Variants in RHEX observed in about 807,000 individuals in gnomAD.
RHEX encodes regulator of hemoglobinization and erythroid cell expansion protein.
A neutral mutation model predicts 20.1 loss-of-function variants in RHEX; 18 were observed. The ratio of observed to expected loss-of-function variants is 0.90; its 90% CI spans 0.62 to 1.33. RHEX has a LOEUF of 1.33. Among genes scored for constraint, RHEX ranks in the 40% most tolerant of loss-of-function variants. The probability of loss-of-function intolerance (pLI) is 0.00; values close to 1 mark genes in which losing one functional copy is unlikely to be tolerated. For synonymous variants in RHEX, 87 were observed against 77.1 expected, an observed-to-expected ratio of 1.13 and a Z score of -0.67; for missense variants, 192 against 214.3, an observed-to-expected ratio of 0.90 and a Z score of 0.65.
At chr1:206,077,762 G>A (rs548582086) in intron 1 of RHEX, among the ~76,000 whole-genome samples, 4 of 152,318 alleles carry the variant, frequency 2.6e-5, no homozygotes, top group Admixed American at 2.6e-4. Flanking sequence ...TTGTCTAACA[G>A]CTGGTACAGG....
intron 1 of RHEX, among the ~76,000 whole-genome samples, chr1:206,089,078 G>T (rs1553286676): frequency 6.6e-6 from 1 of 152,108 alleles, no homozygotes; most frequent in Non-Finnish European, 1.5e-5. Context: ...GATGATTAGA[G>T]ACAAGTTCTA....
At chr1:206,099,404 T>G (rs1663140326) in intron 3 of RHEX, among the ~76,000 whole-genome samples, 1 of 151,912 alleles carries the variant, frequency 6.6e-6, no homozygotes, top group South Asian at 2.1e-4. Flanking sequence ...CTGCAACCTC[T>G]GCCTCCCAGG....
At chr1:206,072,162 A>C (rs1175653222) in intron 1 of RHEX, among the ~76,000 whole-genome samples, 1 of 152,196 alleles carries the variant, frequency 6.6e-6, no homozygotes, top group East Asian at 1.9e-4. Context: ...ACTGGCACAA[A>C]ACAGTGGAAG....
At chr1:206,058,540 A>G (rs1553282918) in intron 1 of RHEX, among the ~76,000 whole-genome samples, 1 of 152,278 alleles carries the variant, frequency 6.6e-6, no homozygotes, top group Admixed American at 6.5e-5. Flanking sequence ...GCCCAGCGCC[A>G]GGCCCAAAAC....
At chr1:206,083,748 T>A in intron 1 of RHEX, 1 of 594,376 alleles carries the variant, frequency 1.7e-6, no homozygotes, top group Non-Finnish European at 2.1e-6. Flanking sequence ...GATTCTCTGT[T>A]TATGTGCTGA....
intron 1 of RHEX, among the ~76,000 whole-genome samples, chr1:206,064,154 G>A (rs575180890): frequency 2.8e-4 from 41 of 144,386 alleles, no homozygotes; most frequent in Non-Finnish European, 5.1e-4. Flanking sequence ...CCCTCCGCCC[G>A]GCAGCCGCCC....
At chr1:206,058,084 G>A (rs1481266362) in intron 1 of RHEX, among the ~76,000 whole-genome samples, 1 of 152,246 alleles carries the variant, frequency 6.6e-6, no homozygotes, top group South Asian at 2.1e-4. Context: ...AGTAGTTGAG[G>A]ATATAGTTAA....
At chr1:206,097,629 T>TA in intron 1 of RHEX, 104 bp from the exon 2 acceptor site, 1 of 664,802 alleles carries the variant, frequency 1.5e-6, no homozygotes, top group Non-Finnish European at 2.6e-6. Context: ...GTATGATGAA[T>TA]AAACTGGGCA....
chr1:206,054,336 AAAGT>A (rs1662142489), intron 1 of RHEX, among the ~76,000 whole-genome samples: 1 of 152,248 alleles, frequency 6.6e-6, no homozygotes, highest in Admixed American at 6.5e-5. Flanking sequence ...GTATAATTTA[AAAGT>A]AATAAGGCCT....
chr1:206,080,394 G>T (rs1662711268), intron 1 of RHEX: 1 of 152,172 alleles, frequency 6.6e-6, no homozygotes, highest in African/African-American at 2.4e-5. Flanking sequence ...AGAGAAAACA[G>T]TTATCCTACA....
intron 1 of RHEX, among the ~76,000 whole-genome samples, chr1:206,083,045 C>G (rs1662769522): frequency 6.6e-6 from 1 of 152,164 alleles, no homozygotes; most frequent in Non-Finnish European, 1.5e-5. Context: ...AAGTTGTCCT[C>G]AAAAATTTAT....
At chr1:206,083,722 T>C (rs1571866180) in intron 1 of RHEX, 1 of 781,832 alleles carries the variant, frequency 1.3e-6, no homozygotes, top group Non-Finnish European at 1.6e-6. Flanking sequence ...CATATATGTG[T>C]AGAAGTTTTA....
chr1:206,081,785 A>T (rs1330336358), intron 1 of RHEX, among the ~76,000 whole-genome samples: 2 of 152,204 alleles, frequency 1.3e-5, no homozygotes, highest in Non-Finnish European at 2.9e-5. Context: ...AGTGGTCCAC[A>T]CAGAGGCTAG....
intron 1 of RHEX, among the ~76,000 whole-genome samples, chr1:206,081,976 G>T (rs1488261032): frequency 6.6e-6 from 1 of 152,176 alleles, no homozygotes; most frequent in Non-Finnish European, 1.5e-5. Flanking sequence ...ATTGACACTG[G>T]CAGGGCAAAC....
chr1:206,070,674 G>A (rs1662508026), intron 1 of RHEX, among the ~76,000 whole-genome samples: 1 of 152,138 alleles, frequency 6.6e-6, no homozygotes, highest in South Asian at 2.1e-4. Context: ...AGAATTGCTG[G>A]CGCCTGGTGA....
At chr1:206,065,135 G>A (rs1204504247) in intron 1 of RHEX, among the ~76,000 whole-genome samples, 1 of 152,182 alleles carries the variant, frequency 6.6e-6, no homozygotes, top group African/African-American at 2.4e-5. Context: ...GGACACAAAT[G>A]CTGCGGAAGG....
chr1:206,089,185 T>A (rs1175918297), intron 1 of RHEX, among the ~76,000 whole-genome samples: 2 of 152,152 alleles, frequency 1.3e-5, no homozygotes, highest in African/African-American at 2.4e-5. Context: ...GTTGTACTTT[T>A]TTTTTTTCTA....
At chr1:206,083,043 CT>C (rs1646957060) in intron 1 of RHEX, among the ~76,000 whole-genome samples, 9 of 152,116 alleles carry the variant, frequency 5.9e-5, no homozygotes, top group Admixed American at 5.9e-4. Context: ...AGAAGTTGTC[CT>C]CAAAAATTTA....
At chr1:206,072,229 C>T (rs75589538) in intron 1 of RHEX, among the ~76,000 whole-genome samples, 2,711 of 152,212 alleles carry the variant, frequency 0.018, 75 homozygotes, top group African/African-American at 0.061. Context: ...TCCAAACATA[C>T]AAAACTGATG....
Sources: gnomAD v4.1 joint callset for allele counts (sites outside exome capture counted in the v4.1 genomes callset) on GRCh38, gnomAD v4.1.1 for gene constraint, MANE v1.5 for transcripts, NCBI Gene and HGNC (gene_info 2026-07-23, HGNC 2026-07-21) for gene names.